LTN1: variants seen among roughly 807,000 people sequenced by gnomAD.
The protein encoded by LTN1 is listerin E3 ubiquitin protein ligase 1, also known as E3 ubiquitin-protein ligase listerin.
LTN1 carries 88 observed loss-of-function variants against 201.2 expected under a neutral mutation model. The observed-to-expected ratio is 0.44, with a 90% CI of 0.37 to 0.52. The LOEUF is 0.52. LTN1 is among the 20% of genes least tolerant of loss of function. The pLI, the probability that LTN1 is intolerant of heterozygous loss-of-function variation, is 0.00. For missense variants in LTN1, 1,752 were observed against 2,038.7 expected, an observed-to-expected ratio of 0.86 and a Z score of 2.71; for synonymous variants, 645 against 713.5, an observed-to-expected ratio of 0.90 and a Z score of 1.53.
chr21:28,982,401 T>G (rs547539589), intron 4 of LTN1, 33 bp from the exon 5 acceptor site: 31 of 1,534,304 alleles, frequency 2.0e-5, no homozygotes, highest in Non-Finnish European at 2.4e-5. Flanking sequence ...AGCCTTTGGT[T>G]TTACTGAACT....
At position 28,967,035 on chromosome 21, in the gene LTN1, C is replaced by G. The variant is rs773431339; in HGVS notation, c.1456G>C (p.Val486Leu). Residue 486 changes from valine to leucine, a missense_variant, in exon 10 of 30, where the codon GTA becomes CTA. Around this residue, in one of 3 missense-constraint regions of LTN1, gnomAD observed 1,211 missense variants for 1,312.8 expected, o/e 0.92. Coordinates refer to ENST00000361371, the MANE Select transcript of LTN1 (RefSeq NM_015565.3). ...DEKTAHNLEN[V>L]LIHFWERLSE... ...AGTCTTTCCCAGAAATGTATCAGTACGTTCTCCAAGTTGTGAGCTGTTTTT... is the reference window on the plus strand; with the variant it reads ...AGTCTTTCCCAGAAATGTATCAGTAGGTTCTCCAAGTTGTGAGCTGTTTTT... 6.2e-7 allele frequency: 1 copy of G among 1,613,978 alleles called. No individual in the cohort carries two copies. The highest frequency in any genetic ancestry group is 8.5e-7 in the Non-Finnish European group (1 of 1,180,012).
In LTN1 at chr21:28,959,444, C is replaced by T; in HGVS notation, c.2593+14G>A. The stretch of plus-strand genomic sequence containing the variant: ...GGAGATTCCCAACAAAACATTTGAG[C>T]AGTAGGCTATTACCTGGCAAATGTG... On this transcript the variant is annotated intron_variant, in intron 13 of 29. Transcript: ENST00000361371. 1.2e-6 allele frequency: 2 copies of T among 1,608,270 alleles called. No individual in the cohort carries two copies. The highest frequency in any genetic ancestry group is 1.3e-5 in the African/African-American group (1 of 74,838).
Position 28,959,556 on chromosome 21 carries a change from C to G in LTN1, c.2495G>C (p.Ser832Thr). The change falls in exon 13 of 30, where the codon AGC becomes ACC. Residue 832 changes from serine (S) to threonine (T), a missense_variant. By Grantham distance (58) the Ser-to-Thr change is moderately conservative (BLOSUM62 1). This residue lies in a region of LTN1 where 1,211 missense variants were observed against 1,312.8 expected (regional missense o/e 0.92). Coordinates refer to ENST00000361371, the MANE Select transcript of LTN1 (RefSeq NM_015565.3). ...CATTAGCAAGCATCCTTTCGCTGAG[C>G]TGAAATAGTTATAGGCCACATCACA... ...FICDVAYNYF[S>T]SAKGCLLMPS... 1 of 1,614,018 alleles carries G rather than the reference C, an allele frequency of 6.2e-7. No homozygotes were observed. The highest frequency in any genetic ancestry group is 8.5e-7 in the Non-Finnish European group (1 of 1,179,966).
intron 25 of LTN1, among the ~76,000 whole-genome samples, chr21:28,938,393 T>G (rs2084272709): frequency 1.3e-5 from 2 of 152,202 alleles, no homozygotes; most frequent in African/African-American, 4.8e-5. Flanking sequence ...TAGCAATATG[T>G]TAAAAGATGT....
chr21:28,935,219 G>T lies in LTN1; in HGVS notation c.4765C>A (p.Arg1589Ser). Residue 1589 changes from arginine to serine, a missense_variant, in exon 27 of 30, where the codon CGT becomes AGT. Transcript: ENST00000361371. ...VRLWWNSSEK[R>S]VFNIVDRFTS... ...AATCTATCCACAATATTGAAAACACGCTTCTCACTGCTATTCCACCACAAC... is the reference window on the plus strand; with the variant it reads ...AATCTATCCACAATATTGAAAACACTCTTCTCACTGCTATTCCACCACAAC... 1 of 1,612,376 alleles carries T rather than the reference G, an allele frequency of 6.2e-7. No individual in the cohort carries two copies. Among genetic ancestry groups the T allele is most frequent in the Non-Finnish European group, 8.5e-7 (1 of 1,178,422 alleles).
intron 12 of LTN1, 24 bp from the exon 13 acceptor site, chr21:28,959,721 G>C: frequency 6.5e-7 from 1 of 1,532,516 alleles, no homozygotes; most frequent in Non-Finnish European, 8.8e-7. Context: ...GGTTCAAACA[G>C]ACAAAAAATA....
chr21:28,930,609 T>TA, intron 29 of LTN1, 99 bp from the exon 30 acceptor site: 2 of 747,290 alleles, frequency 2.7e-6, no homozygotes, highest in Non-Finnish European at 4.3e-6. Flanking sequence ...CTTCAAATGA[T>TA]AAAGTGAAAA....
At position 28,971,309 on chromosome 21, in the gene LTN1, G is replaced by C. The variant is rs1162819499; in HGVS notation, c.946C>G (p.Leu316Val). ...AGTGTATAGAGTACAGCTTCCCAGA[G>C]AGCTGGGCAGACAATTGGGTCACTG... is the stretch of plus-strand genomic sequence containing the variant. ...DDSDPIVCPA[L>V]WEAVLYTLTT... The change falls in exon 7 of 30, where the codon CTC becomes GTC. Residue 316 changes from leucine (L) to valine (V), a missense_variant. By Grantham distance (32) the Leu-to-Val change is conservative. Transcript: ENST00000361371. The C allele has an allele frequency of 1.2e-6, 2 of 1,613,918 alleles. No homozygotes were observed. Among genetic ancestry groups the C allele is most frequent in the Non-Finnish European group, 1.7e-6 (2 of 1,179,960 alleles).
intron 27 of LTN1, among the ~76,000 whole-genome samples, chr21:28,933,617 G>A (rs2084229131): frequency 6.6e-6 from 1 of 151,526 alleles, no homozygotes; most frequent in African/African-American, 2.4e-5. Context: ...GGCAACGACT[G>A]AAATGACATT....
At chr21:28,965,486 G>A (rs1431642088) in intron 11 of LTN1, among the ~76,000 whole-genome samples, 2 of 152,052 alleles carry the variant, frequency 1.3e-5, no homozygotes, top group Admixed American at 1.3e-4. Flanking sequence ...ATTTTCTCAT[G>A]TGTTCTACCC....
At position 28,972,374 on chromosome 21, in the gene LTN1, C is replaced by A. The variant is rs192223185; in HGVS notation, c.811-930G>T. Among the ~76,000 whole-genome samples, 169 of 150,274 alleles carry A rather than the reference C, an allele frequency of 1.1e-3. 3 individuals are homozygous for A. The East Asian group carries it at 0.027, about 24-fold the overall frequency. On this transcript the variant is annotated intron_variant, in intron 6 of 29. Coordinates refer to ENST00000361371, the MANE Select transcript of LTN1 (RefSeq NM_015565.3). ...CAAGGATATCCCACCCTCCCACCCC[C>A]ACACATATACCAAATTCTCAGGAAT...
chr21:28,931,438 G>T, intron 28 of LTN1, 116 bp from the exon 29 acceptor site: 1 of 644,374 alleles, frequency 1.6e-6, no homozygotes, highest in East Asian at 2.9e-5. Context: ...AATCTGCTTG[G>T]CTATGTTCAT....
Position 28,959,491 on chromosome 21 carries a change from A to G in LTN1, c.2560T>C (p.Cys854Arg), listed in dbSNP as rs780481832. Residue 854 changes from cysteine to arginine, a missense_variant, in exon 13 of 30, where the codon TGT becomes CGT. Transcript: ENST00000361371. ...TGTGTTTTTTCTTTGCTCTGAGCAC[A>G]TAACTGAAAGAGAGTTAATAATAAA... Reference protein sequence around the residue: ...EDLLLTLFQLCAQSKEKTHLP... With the variant: ...EDLLLTLFQLRAQSKEKTHLP... 2.5e-6 allele frequency: 4 copies of G among 1,613,894 alleles called. No individual in the cohort carries two copies. Among genetic ancestry groups the G allele is most frequent in the East Asian group, 4.5e-5 (2 of 44,860 alleles).
At chr21:28,936,443 C>G (rs1045499382) in intron 26 of LTN1, 83 bp downstream of exon 26, 1 of 1,165,094 alleles carries the variant, frequency 8.6e-7, no homozygotes, top group Non-Finnish European at 1.2e-6. Context: ...TGGGGTTATT[C>G]TCCACATTCT....
At chr21:28,931,107 G>A in intron 29 of LTN1, 48 bp downstream of exon 29, 1 of 1,163,574 alleles carries the variant, frequency 8.6e-7, no homozygotes, top group Non-Finnish European at 1.3e-6. Flanking sequence ...GTGTTTATGT[G>A]TATAAAATAC....
Position 28,929,653 on chromosome 21 carries a change from A to G in LTN1, c.*795T>C, listed in dbSNP as rs1287752125. ...CCCTCTCAATAGAAGGATAACTACC[A>G]CTCCGCTTCATGAATGAAATAATCA... On this transcript the variant is annotated 3_prime_UTR_variant, in exon 30 of 30. Coordinates refer to ENST00000361371, the MANE Select transcript of LTN1 (RefSeq NM_015565.3). The G allele has an allele frequency of 6.6e-6, 1 of 151,620 alleles. No individual in the cohort carries two copies. The allele number at this position is 151,620 out of a possible 1,614,324, so 9.4% of individuals were successfully genotyped here.
At chr21:28,941,942 T>C (rs940791820) in intron 24 of LTN1, among the ~76,000 whole-genome samples, 3 of 152,214 alleles carry the variant, frequency 2.0e-5, no homozygotes, top group Non-Finnish European at 4.4e-5. Context: ...GGAAAATAAA[T>C]GTACCATTCA....
chr21:28,956,329 T>C (rs1197345554), intron 16 of LTN1, among the ~76,000 whole-genome samples: 1 of 152,218 alleles, frequency 6.6e-6, no homozygotes, highest in Non-Finnish European at 1.5e-5. Flanking sequence ...CTTAGCCTGA[T>C]TTGATCACTA....
At chr21:28,970,450 T>C in intron 8 of LTN1, 102 bp downstream of exon 8, 1 of 790,850 alleles carries the variant, frequency 1.3e-6, no homozygotes, top group South Asian at 1.7e-5. Flanking sequence ...AAGTATTTAA[T>C]GAATAGTAAA....
Sources: allele counts gnomAD v4.1 joint callset (sites outside exome capture counted in the v4.1 genomes callset), GRCh38; gene constraint gnomAD v4.1.1; regional missense constraint gnomAD v4.1.1; transcripts MANE v1.5; gene names NCBI Gene and HGNC (gene_info 2026-07-23, HGNC 2026-07-21).